The following CLYBL variants were observed in gnomAD, a reference collection of about 807,000 sequenced individuals.
CLYBL encodes the protein citramalyl-CoA lyase.
CLYBL carries 31 observed loss-of-function variants against 38.9 expected under a neutral mutation model. The ratio of observed to expected loss-of-function variants is 0.80; its 90% CI spans 0.60 to 1.08. The LOEUF is 1.08. Ranked by LOEUF, CLYBL falls within the 50% of genes least tolerant of loss-of-function variation. CLYBL has a pLI of 0.00. For synonymous variants in CLYBL, 171 were observed against 158.6 expected, an observed-to-expected ratio of 1.08 and a Z score of -0.59; for missense variants, 434 against 411.6, an observed-to-expected ratio of 1.05 and a Z score of -0.47.
intron 2 of CLYBL, among the ~76,000 whole-genome samples, chr13:99,844,394 G>A (rs930393277): frequency 3.2e-4 from 49 of 152,336 alleles, no homozygotes; most frequent in Non-Finnish European, 4.4e-5. Context: ...AAAGTTAGAA[G>A]AGGACTGTGT....
chr13:99,709,936 T>G lies in CLYBL; in HGVS notation c.63-62888T>G, dbSNP rs1230355494. Among the ~76,000 whole-genome samples, 6 of 147,374 alleles carry G rather than the reference T, an allele frequency of 4.1e-5. No individual in the cohort carries two copies. The East Asian group carries it at 1.2e-3, about 29-fold the overall frequency. On this transcript the variant is annotated intron_variant, in intron 1 of 8. Transcript: ENST00000339105. ...TTTTCTTTCTTTCTTTTTTTTTTTTTTTTTTGAGACGGAGTCTCGCTCTGT... is the reference window on the plus strand; with the variant it reads ...TTTTCTTTCTTTCTTTTTTTTTTTTGTTTTTGAGACGGAGTCTCGCTCTGT...
intron 1 of CLYBL, among the ~76,000 whole-genome samples, chr13:99,724,136 TG>T (rs2048434260): frequency 6.6e-6 from 1 of 152,224 alleles, no homozygotes; most frequent in South Asian, 2.1e-4. Flanking sequence ...TGCCCTGTTG[TG>T]GGGATGTTCC....
intron 2 of CLYBL, among the ~76,000 whole-genome samples, chr13:99,779,194 G>A (rs1394651804): frequency 1.3e-5 from 2 of 152,180 alleles, no homozygotes; most frequent in African/African-American, 4.8e-5. Flanking sequence ...CCGGGCTGGA[G>A]TGCAATGGTA....
In CLYBL at chr13:99,870,964, A is replaced by G. The variant is rs200294155; in HGVS notation, c.829A>G (p.Ile277Val). The change falls in exon 7 of 9, where the codon ATT (isoleucine) becomes GTT (valine). Residue 277 changes from isoleucine to valine, a missense_variant. Ile to Val is a conservative substitution (Grantham distance 29). Coordinates refer to ENST00000339105, the MANE Select transcript of CLYBL (RefSeq NM_206808.5). ...TAAGCAGGTGATTCACCCTAACCAA[A>G]TTGCCGTGGTCCAGGAGCAGTTTTC... ...TGKQVIHPNQ[I>V]AVVQEQFSPS... 2 of 1,612,908 alleles carry G rather than the reference A, an allele frequency of 1.2e-6. No homozygotes were observed. The highest frequency in any genetic ancestry group is 2.2e-5 in the East Asian group (1 of 44,876).
chr13:99,770,076 C>A (rs202081689), intron 1 of CLYBL, among the ~76,000 whole-genome samples: 3 of 121,962 alleles, frequency 2.5e-5, no homozygotes. Flanking sequence ...TTTTTCTTTT[C>A]TTTCTTTTTT....
chr13:99,809,701 G>A lies in CLYBL; in HGVS notation c.249+36691G>A, dbSNP rs139859980. On this transcript the variant is annotated intron_variant, in intron 2 of 8. Transcript: ENST00000339105. ...TTCCATCGAGGGTGTGACGGCTGGC[G>A]CCTCTGGTAATGAGCTGCCTTCCAA... is the stretch of plus-strand genomic sequence containing the variant. 2.2e-3 allele frequency among the ~76,000 whole-genome samples: 331 copies of A among 152,356 alleles called. 1 individual carries two copies. Among genetic ancestry groups the A allele is most frequent in the Non-Finnish European group, 3.4e-3 (228 of 68,038 alleles).
chr13:99,618,709 G>A (rs2046750913), intron 1 of CLYBL, among the ~76,000 whole-genome samples: 1 of 152,026 alleles, frequency 6.6e-6, no homozygotes, highest in Admixed American at 6.5e-5. Context: ...CTAACTCCCT[G>A]TTCCCTTCCC....
intron 2 of CLYBL, among the ~76,000 whole-genome samples, chr13:99,835,154 A>T (rs542307052): frequency 6.6e-6 from 1 of 152,152 alleles, no homozygotes; most frequent in Non-Finnish European, 1.5e-5. Flanking sequence ...CGTCGCCTCT[A>T]CCCTCTATGA....
chr13:99,691,261 T>TG (rs2047897518), intron 1 of CLYBL, among the ~76,000 whole-genome samples: 1 of 152,344 alleles, frequency 6.6e-6, no homozygotes, highest in Admixed American at 6.5e-5. Context: ...GAACATGTTT[T>TG]GGGGGATATT....
intron 1 of CLYBL, among the ~76,000 whole-genome samples, chr13:99,765,520 C>T (rs993272355): frequency 6.6e-6 from 1 of 152,034 alleles, no homozygotes; most frequent in Non-Finnish European, 1.5e-5. Context: ...CTTGCACTTG[C>T]TCAACTCCCT....
At chr13:99,780,388 C>G (rs141826555) in intron 2 of CLYBL, among the ~76,000 whole-genome samples, 200 of 152,204 alleles carry the variant, frequency 1.3e-3, no homozygotes, top group Non-Finnish European at 1.9e-3. Flanking sequence ...GACAATTTCA[C>G]TCTTTTTTTT....
chr13:99,711,213 A>C (rs1272650050), intron 1 of CLYBL, among the ~76,000 whole-genome samples: 1 of 151,936 alleles, frequency 6.6e-6, no homozygotes, highest in Non-Finnish European at 1.5e-5. Flanking sequence ...CTGCTATAAC[A>C]AAATACCATA....
chr13:99,717,339 T>C (rs1158052430), intron 1 of CLYBL, among the ~76,000 whole-genome samples: 2 of 145,264 alleles, frequency 1.4e-5, no homozygotes, highest in Non-Finnish European at 3.0e-5. Flanking sequence ...GGCAGGAGAA[T>C]TGCTAGAACC....
intron 1 of CLYBL, among the ~76,000 whole-genome samples, chr13:99,689,370 TCA>T (rs1296056845): frequency 6.6e-6 from 1 of 152,216 alleles, no homozygotes; most frequent in African/African-American, 2.4e-5. Context: ...ATTCTTGCAA[TCA>T]CAGACAGGTT....
intron 1 of CLYBL, among the ~76,000 whole-genome samples, chr13:99,685,547 C>T (rs8000012): frequency 0.066 from 10,094 of 152,036 alleles, 1,121 homozygotes; most frequent in African/African-American, 0.23. Flanking sequence ...CTACTGAAAC[C>T]GATATAATTT....
intron 2 of CLYBL, among the ~76,000 whole-genome samples, chr13:99,843,602 A>ACCTT (rs1555316857): frequency 2.7e-5 from 2 of 73,550 alleles, no homozygotes; most frequent in Non-Finnish European, 5.6e-5. Flanking sequence ...GGAAAAATTA[A>ACCTT]TCTTTTTTTT....
intron 7 of CLYBL, among the ~76,000 whole-genome samples, chr13:99,871,638 G>A (rs960229900): frequency 1.4e-4 from 21 of 152,098 alleles, no homozygotes; most frequent in Admixed American, 7.2e-4. Context: ...ATTGAGCCTC[G>A]CGTTTCCTGC....
At chr13:99,776,510 G>GT (rs67909322) in intron 2 of CLYBL, among the ~76,000 whole-genome samples, 92 of 144,998 alleles carry the variant, frequency 6.3e-4, no homozygotes, top group South Asian at 3.3e-3. Context: ...AAAAAAAGTT[G>GT]TTTTTTTTTT....
intron 1 of CLYBL, among the ~76,000 whole-genome samples, chr13:99,672,004 C>T (rs1190148672): frequency 6.6e-6 from 1 of 152,108 alleles, no homozygotes; most frequent in Non-Finnish European, 1.5e-5. Context: ...GAGGCAGGCA[C>T]TACAGGCCTT....
Sources: allele counts gnomAD v4.1 joint callset (sites outside exome capture counted in the v4.1 genomes callset), GRCh38; gene constraint gnomAD v4.1.1; transcripts MANE v1.5; gene names NCBI Gene and HGNC (gene_info 2026-07-23, HGNC 2026-07-21).